The following CDH4 variants were observed in gnomAD, a reference collection of about 807,000 sequenced individuals.
CDH4 encodes cadherin 4, also known as cadherin-4.
Under a neutral mutation model 86.0 loss-of-function variants are expected in CDH4, and 33 were observed. The observed-to-expected ratio is 0.38, with a 90% CI of 0.29 to 0.51. CDH4 has a LOEUF of 0.51. CDH4 is among the 20% of genes least tolerant of loss of function. CDH4 has a pLI of 0.86. For synonymous variants in CDH4, 555 were observed against 549.4 expected (o/e 1.01, Z -0.14); for missense variants, 1,114 against 1,307.4 (o/e 0.85, Z 2.28).
chr20:61,331,909 G>A (rs2084583222), intron 2 of CDH4, among the ~76,000 whole-genome samples: 1 of 152,176 alleles, frequency 6.6e-6, no homozygotes, highest in Admixed American at 6.5e-5. Flanking sequence ...TAAAAAGCGT[G>A]TGTTGAGGGC....
chr20:61,604,001 T>C (rs943694847), intron 2 of CDH4, among the ~76,000 whole-genome samples: 5 of 152,084 alleles, frequency 3.3e-5, no homozygotes, highest in Non-Finnish European at 5.9e-5. Context: ...ACACACGTGA[T>C]TGATCCTTCT....
At chr20:61,351,936 C>T (rs1453630798) in intron 2 of CDH4, among the ~76,000 whole-genome samples, 1 of 152,020 alleles carries the variant, frequency 6.6e-6, no homozygotes, top group Admixed American at 6.5e-5. Context: ...AGGCTGGTCT[C>T]GAACTCCTGG....
chr20:61,896,059 C>G (rs1168631803), intron 8 of CDH4, among the ~76,000 whole-genome samples: 1 of 152,050 alleles, frequency 6.6e-6, no homozygotes, highest in African/African-American at 2.4e-5. Flanking sequence ...TCCCCCAGGC[C>G]TAGGCCCCCG....
intron 2 of CDH4, among the ~76,000 whole-genome samples, chr20:61,444,051 TCTGG>T (rs2085328724): frequency 3.1e-5 from 1 of 32,166 alleles, no homozygotes; most frequent in African/African-American, 1.1e-4. Context: ...TGTGGATATC[TCTGG>T]TTGTCTGTGT....
At chr20:61,322,695 G>A (rs78452857) in intron 2 of CDH4, among the ~76,000 whole-genome samples, 2 of 152,248 alleles carry the variant, frequency 1.3e-5, no homozygotes, top group African/African-American at 4.8e-5. Context: ...TTCATCCAAC[G>A]CTGAGACGCA....
chr20:61,894,468 G>A (rs1985003653), intron 7 of CDH4, among the ~76,000 whole-genome samples: 1 of 152,196 alleles, frequency 6.6e-6, no homozygotes, highest in Admixed American at 6.5e-5. Flanking sequence ...CTGTAGTTCA[G>A]CTGGACAAGC....
At chr20:61,903,395 A>C (rs1435988971) in intron 8 of CDH4, among the ~76,000 whole-genome samples, 2 of 152,108 alleles carry the variant, frequency 1.3e-5, no homozygotes, top group Non-Finnish European at 1.5e-5. Flanking sequence ...AAATACAAAA[A>C]TTAGCTGGGC....
intron 2 of CDH4, among the ~76,000 whole-genome samples, chr20:61,446,718 G>A (rs1428326141): frequency 3.3e-5 from 5 of 152,302 alleles, no homozygotes; most frequent in East Asian, 1.9e-4. Flanking sequence ...TGGTCTGCCC[G>A]AAGAAAGCCC....
chr20:61,688,654 C>T (rs1207551764), intron 2 of CDH4, among the ~76,000 whole-genome samples: 4 of 152,242 alleles, frequency 2.6e-5, no homozygotes, highest in Admixed American at 2.6e-4. Flanking sequence ...TGACTCGGGC[C>T]CACGCTATAA....
intron 2 of CDH4, among the ~76,000 whole-genome samples, chr20:61,407,701 C>T (rs763604699): frequency 3.3e-5 from 5 of 152,188 alleles, no homozygotes; most frequent in African/African-American, 9.7e-5. Flanking sequence ...CCATACTGGA[C>T]GCTGCCCAAG....
rs1424557293 is a variant in CDH4 at position 61,623,485 on chromosome 20, A to G, written c.170-120078A>G. On this transcript the variant is annotated intron_variant, in intron 2 of 15. Transcript: ENST00000614565. The surrounding 1 kb of genome is among the most constrained non-coding windows in gnomAD (Gnocchi z 4.4). ...CCAAAGCCTTCAGAAATACCATTAC[A>G]ATGAAAACAATTTCAAGAGCAAATT... Among the ~76,000 whole-genome samples, 3 of 152,196 alleles carry G rather than the reference A, an allele frequency of 2.0e-5. No homozygotes were observed. The highest frequency in any genetic ancestry group is 4.8e-5 in the African/African-American group (2 of 41,436).
In CDH4 at chr20:61,873,825, C is replaced by A; in HGVS notation, c.975C>A (p.Ser325Arg). The change falls in exon 7 of 16, where the codon AGC (serine) becomes AGA (arginine). Residue 325 changes from serine to arginine, a missense_variant. Coordinates refer to ENST00000614565, the MANE Select transcript of CDH4 (RefSeq NM_001794.5). ...GGATCGTGACCCAGACCCCACAGAG[C>A]CCGTCCCAGAATATGTTCACCATCA... is the stretch of plus-strand genomic sequence containing the variant. ...RYRIVTQTPQ[S>R]PSQNMFTINS... The A allele has an allele frequency of 1.2e-6, 2 of 1,614,104 alleles. No individual in the cohort carries two copies. The highest frequency in any genetic ancestry group is 1.7e-6 in the Non-Finnish European group (2 of 1,180,022).
intron 2 of CDH4, among the ~76,000 whole-genome samples, chr20:61,442,262 G>A (rs2085318326): frequency 6.6e-6 from 1 of 152,182 alleles, no homozygotes; most frequent in Non-Finnish European, 1.5e-5. Flanking sequence ...AGCAGTGTGT[G>A]TCCGAGGAAG....
intron 6 of CDH4, among the ~76,000 whole-genome samples, chr20:61,863,905 G>T (rs1309421545): frequency 3.9e-5 from 6 of 151,956 alleles, no homozygotes; most frequent in Non-Finnish European, 8.8e-5. Flanking sequence ...ACCAGCATGG[G>T]TTTCCAGACA....
At chr20:61,730,059 A>G (rs376739230) in intron 2 of CDH4, among the ~76,000 whole-genome samples, 15 of 152,278 alleles carry the variant, frequency 9.9e-5, no homozygotes, top group African/African-American at 3.1e-4. Context: ...CCCCTCTCCC[A>G]CTGCCAGCTT....
intron 2 of CDH4, among the ~76,000 whole-genome samples, chr20:61,483,595 G>A (rs1023113556): frequency 2.0e-5 from 3 of 152,154 alleles, no homozygotes; most frequent in African/African-American, 4.8e-5. Context: ...CTTGCTTCGG[G>A]GTGGCCCTCT....
At chr20:61,388,040 G>A (rs1424102285) in intron 2 of CDH4, among the ~76,000 whole-genome samples, 7 of 152,204 alleles carry the variant, frequency 4.6e-5, no homozygotes, top group Admixed American at 2.0e-4. Flanking sequence ...TAACAGTTTT[G>A]CATTCAATGT....
intron 2 of CDH4, among the ~76,000 whole-genome samples, chr20:61,262,702 T>C (rs2084134245): frequency 1.3e-5 from 2 of 152,134 alleles, no homozygotes; most frequent in Non-Finnish European, 2.9e-5. Context: ...ACTTCTCTTA[T>C]GTTGCAAATG....
chr20:61,573,682 A>G (rs1600772086), intron 2 of CDH4, among the ~76,000 whole-genome samples: 1 of 151,798 alleles, frequency 6.6e-6, no homozygotes, highest in Non-Finnish European at 1.5e-5. Context: ...GCCAGAGCTG[A>G]CCCCCCATCC....
Sources: allele counts gnomAD v4.1 joint callset (sites outside exome capture counted in the v4.1 genomes callset), GRCh38; gene constraint gnomAD v4.1.1; non-coding constraint Gnocchi (gnomAD v3.1); transcripts MANE v1.5; gene names NCBI Gene and HGNC (gene_info 2026-07-23, HGNC 2026-07-21).